DNAJC6: variants seen among roughly 807,000 people sequenced by gnomAD.
The protein encoded by DNAJC6 is DnaJ heat shock protein family (Hsp40) member C6.
DNAJC6 carries 34 observed loss-of-function variants against 110.0 expected under a neutral mutation model. The ratio of observed to expected loss-of-function variants is 0.31; its 90% CI spans 0.24 to 0.41. The LOEUF (loss-of-function observed/expected upper bound fraction) is 0.41, where lower values mean the gene tolerates loss of function less well. DNAJC6 is among the 10% of genes least tolerant of loss of function. The pLI, the probability that DNAJC6 is intolerant of heterozygous loss-of-function variation, is 1.00. For missense variants in DNAJC6, 1,031 were observed against 1,207.8 expected, an observed-to-expected ratio of 0.85 and a Z score of 2.17; for synonymous variants, 406 against 437.2, an observed-to-expected ratio of 0.93 and a Z score of 0.89.
chr1:65,408,702 C>G lies in DNAJC6; in HGVS notation c.2553C>G (p.His851Gln), dbSNP rs1646099986. 46 of 1,613,824 alleles carry G rather than the reference C, an allele frequency of 2.9e-5. No homozygotes were observed. Among genetic ancestry groups the G allele is most frequent in the Non-Finnish European group, 3.9e-5 (46 of 1,179,864 alleles). Reference protein sequence around the residue: ...DLLSGQGFNAHKDKKGPRTIA... With the variant: ...DLLSGQGFNAQKDKKGPRTIA... The stretch of plus-strand genomic sequence containing the variant: ...TCTCTGGTCAAGGTTTCAATGCTCA[C>G]AAAGACAAAAAGGGGCCTCGGACAA... Residue 851 changes from histidine (H) to glutamine (Q), a missense_variant, in exon 17 of 19, where the codon CAC becomes CAG. By Grantham distance (24) the His-to-Gln change is conservative. Transcript: ENST00000371069.
chr1:65,351,098 G>A (rs1480050038), intron 1 of DNAJC6, among the ~76,000 whole-genome samples: 1 of 151,864 alleles, frequency 6.6e-6, no homozygotes, highest in Non-Finnish European at 1.5e-5. Flanking sequence ...AGTAGTTTTT[G>A]TATTTTGATC....
intron 5 of DNAJC6, among the ~76,000 whole-genome samples, chr1:65,382,029 A>G (rs952332595): frequency 2.0e-5 from 3 of 152,230 alleles, no homozygotes; most frequent in African/African-American, 7.2e-5. Flanking sequence ...TGCCAGGCAA[A>G]TGAAGAGAGG....
Position 65,393,763 on chromosome 1 carries a change from G to A in DNAJC6, c.1903+898G>A, listed in dbSNP as rs116807244. ...AACCAAGATGACTTCACATTAGGAA[G>A]GGTAAAGAGAAATGTCTCAACTCTT... On this transcript the variant is annotated intron_variant, in intron 12 of 18. Transcript: ENST00000371069. 4.2e-3 allele frequency among the ~76,000 whole-genome samples: 638 copies of A among 152,284 alleles called. 4 individuals are homozygous for A. The highest frequency in any genetic ancestry group is 0.015 in the African/African-American group (603 of 41,564).
rs537675436 is a variant in DNAJC6 at position 65,405,632 on chromosome 1, A to G, written c.2228-238A>G. ...TGAGAAAAATCACTTAACTGCTCTG[A>G]CCTGCAGTTTGTTCATCTGAAGGAA... On this transcript the variant is annotated intron_variant, in intron 15 of 18. Transcript: ENST00000371069. 3.3e-5 allele frequency among the ~76,000 whole-genome samples: 5 copies of G among 152,172 alleles called. No homozygotes were observed. The South Asian group carries it at 1.0e-3, about 32-fold the overall frequency.
chr1:65,304,681 C>T (rs1374848812), upstream of DNAJC6, among the ~76,000 whole-genome samples: 2 of 152,150 alleles, frequency 1.3e-5, no homozygotes, highest in African/African-American at 4.8e-5. Flanking sequence ...TTCTTCTGGA[C>T]TGTGGCCTAA....
chr1:65,310,256 G>A (rs1281521450), intron 1 of DNAJC6, among the ~76,000 whole-genome samples: 1 of 152,030 alleles, frequency 6.6e-6, no homozygotes. Context: ...AGAGGGGAGC[G>A]GGTGGGGCGA....
intron 5 of DNAJC6, among the ~76,000 whole-genome samples, chr1:65,380,924 T>TTTTTTTTTTTTG: frequency 5.3e-5 from 7 of 133,286 alleles, no homozygotes; most frequent in African/African-American, 2.0e-4. Flanking sequence ...TTGTTTTGTT[T>TTTTTTTTTTTTG]TTTTTTTTTT....
At chr1:65,265,004 C>A in intron 1 of DNAJC6, 2 of 1,406,436 alleles carry the variant, frequency 1.4e-6, no homozygotes, top group Non-Finnish European at 2.0e-6. Flanking sequence ...TGCGATGTCA[C>A]TCCACAGACA....
At chr1:65,332,875 G>T (rs1645300994) in intron 1 of DNAJC6, among the ~76,000 whole-genome samples, 3 of 152,320 alleles carry the variant, frequency 2.0e-5, no homozygotes, top group Non-Finnish European at 4.4e-5. Flanking sequence ...TAGAGGGTTA[G>T]AAATTAGAAG....
At chr1:65,368,370 T>C (rs914581625) in intron 4 of DNAJC6, among the ~76,000 whole-genome samples, 60 of 75,038 alleles carry the variant, frequency 8.0e-4, no homozygotes, top group Non-Finnish European at 1.1e-3. Context: ...CCAAAAATCA[T>C]ATGCTCCAAT....
rs560584142 is a variant in DNAJC6 at position 65,364,120 on chromosome 1, G to A, written c.194-515G>A. The stretch of plus-strand genomic sequence containing the variant: ...ACTGTCCAAATGTAGTACAATAAAG[G>A]CCACATACGTAGCTTAAAAATTTTC... On this transcript the variant is annotated intron_variant, in intron 1 of 18. Coordinates refer to ENST00000371069, the MANE Select transcript of DNAJC6 (RefSeq NM_001256864.2). Among the ~76,000 whole-genome samples the A allele has an allele frequency of 2.6e-5, 4 of 152,136 alleles. No individual in the cohort carries two copies. The South Asian group carries it at 8.3e-4, about 32-fold the overall frequency.
rs1356070880 is a variant in DNAJC6, at chr1:65,389,391, C to A, written c.1329C>A (p.Val443=). 1 of 1,614,144 alleles carries A rather than the reference C, an allele frequency of 6.2e-7. No homozygotes were observed. Among genetic ancestry groups the A allele is most frequent in the Admixed American group, 1.7e-5 (1 of 60,024 alleles). The part of the protein sequence containing the change: ...PPWEHYCTKD[V]NPSILFSSHQ... ...GGGAACATTACTGCACAAAAGATGTCAATCCCAGCATCCTCTTCTCTTCTC... is the reference window on the plus strand; with the variant it reads ...GGGAACATTACTGCACAAAAGATGTAAATCCCAGCATCCTCTTCTCTTCTC... Residue 443 remains valine, a synonymous_variant, in exon 10 of 19, where the codon GTC becomes GTA. Coordinates refer to ENST00000371069, the MANE Select transcript of DNAJC6 (RefSeq NM_001256864.2).
At chr1:65,292,080 G>A (rs7550109) in intron 1 of DNAJC6, among the ~76,000 whole-genome samples, 97,439 of 152,008 alleles carry the variant, frequency 0.64, 31,450 homozygotes, top group East Asian at 0.79. Flanking sequence ...ACAATGGCGC[G>A]ATCTCAACGC....
upstream of DNAJC6, among the ~76,000 whole-genome samples, chr1:65,305,832 A>T (rs1010473388): frequency 3.3e-5 from 5 of 152,220 alleles, no homozygotes; most frequent in Non-Finnish European, 7.3e-5. Flanking sequence ...ACAGATGGGA[A>T]GTTGCATTTT....
At chr1:65,298,744 T>A (rs1644950138) in intron 1 of DNAJC6, 1 of 152,244 alleles carries the variant, frequency 6.6e-6, no homozygotes, top group Non-Finnish European at 1.5e-5. Context: ...TACTTTATGT[T>A]CCAAAATCAC....
At chr1:65,377,360 T>C (rs1645776587) in intron 4 of DNAJC6, among the ~76,000 whole-genome samples, 1 of 152,204 alleles carries the variant, frequency 6.6e-6, no homozygotes, top group Non-Finnish European at 1.5e-5. Flanking sequence ...CAGTAAGTCA[T>C]TTCCGTTCCT....
At position 65,309,881 on chromosome 1, in the gene DNAJC6, G is replaced by T; in HGVS notation, c.136G>T (p.Ala46Ser). The change falls in exon 1 of 19, where the codon GCG becomes TCG. Residue 46 changes from alanine (A) to serine (S), a missense_variant. Coordinates refer to ENST00000371069, the MANE Select transcript of DNAJC6 (RefSeq NM_001256864.2). ...GGKQRVNAGAAARSPARQPPD... is the reference protein window; with the variant it reads ...GGKQRVNAGASARSPARQPPD... ...CAAGCAGAGAGTGAACGCCGGGGCA[G>T]CGGCGCGGAGTCCCGCCCGACAGCC... 6.5e-7 allele frequency: 1 copy of T among 1,545,514 alleles called. No homozygotes were observed. The highest frequency in any genetic ancestry group is 8.7e-7 in the Non-Finnish European group (1 of 1,144,482).
At chr1:65,406,835 C>A (rs1419472923) in intron 16 of DNAJC6, among the ~76,000 whole-genome samples, 2 of 152,166 alleles carry the variant, frequency 1.3e-5, no homozygotes, top group African/African-American at 4.8e-5. Flanking sequence ...CTGATTTTGT[C>A]AGACCCTCCA....
At position 65,372,642 on chromosome 1, in the gene DNAJC6, T is replaced by C. The variant is rs1343105937; in HGVS notation, c.543+6446T>C. 3.3e-5 allele frequency among the ~76,000 whole-genome samples: 5 copies of C among 151,962 alleles called. No individual in the cohort carries two copies. The South Asian group carries it at 1.0e-3, about 32-fold the overall frequency. On this transcript the variant is annotated intron_variant, in intron 4 of 18. Transcript: ENST00000371069. Reference sequence around the variant, plus strand: ...CTTTACACACTAGATAATTGAGGCCTGGAGAGGTTAGTAAATTGCCTAAGG... The same window carrying C: ...CTTTACACACTAGATAATTGAGGCCCGGAGAGGTTAGTAAATTGCCTAAGG...
Sources: allele counts gnomAD v4.1 joint callset (sites outside exome capture counted in the v4.1 genomes callset), GRCh38; gene constraint gnomAD v4.1.1; transcripts MANE v1.5; gene names NCBI Gene and HGNC (gene_info 2026-07-23, HGNC 2026-07-21).